The following DPP6 variants were observed in gnomAD, a reference collection of about 807,000 sequenced individuals.
DPP6 encodes dipeptidyl peptidase like 6, also known as A-type potassium channel modulatory protein DPP6.
In DPP6, 69 loss-of-function variants were observed where a neutral mutation model predicts 122.6. That is an observed-to-expected ratio of 0.56 (90% CI 0.46 to 0.69). DPP6 has a LOEUF of 0.69. DPP6 is among the 30% of genes least tolerant of loss of function. The probability of loss-of-function intolerance (pLI) is 0.00; values close to 1 mark genes in which losing one functional copy is unlikely to be tolerated. For synonymous variants in DPP6, 418 were observed against 433.1 expected (o/e 0.97, Z 0.43); for missense variants, 928 against 1,116.9 (o/e 0.83, Z 2.41).
At chr7:153,976,379 C>G (rs1343027390) in intron 1 of DPP6, among the ~76,000 whole-genome samples, 1 of 152,138 alleles carries the variant, frequency 6.6e-6, no homozygotes, top group Non-Finnish European at 1.5e-5. Flanking sequence ...AACAGAAACA[C>G]GAAGAACCAA....
At chr7:154,710,160 A>G (rs880728) in intron 7 of DPP6, among the ~76,000 whole-genome samples, 20,742 of 152,160 alleles carry the variant, frequency 0.14, 2,062 homozygotes, top group African/African-American at 0.28. Flanking sequence ...GACATCCACA[A>G]GTGGGTGTGG....
At chr7:154,810,716 G>A (rs571360523) in intron 16 of DPP6, among the ~76,000 whole-genome samples, 4 of 151,714 alleles carry the variant, frequency 2.6e-5, no homozygotes, top group African/African-American at 7.3e-5. Context: ...GACTGACCCG[G>A]ACCCCAGGTA....
At chr7:153,956,827 A>G (rs1033644863) in intron 1 of DPP6, among the ~76,000 whole-genome samples, 1 of 152,166 alleles carries the variant, frequency 6.6e-6, no homozygotes, top group Non-Finnish European at 1.5e-5. Flanking sequence ...CACTGTTTCT[A>G]GAAGCAACTT....
intron 1 of DPP6, among the ~76,000 whole-genome samples, chr7:154,202,718 T>C (rs771400166): frequency 1.2e-4 from 18 of 152,158 alleles, no homozygotes; most frequent in Non-Finnish European, 2.4e-4. Context: ...TCAGGGCCCC[T>C]CCATTCCCCA....
the DPP6 span, among the ~76,000 whole-genome samples, chr7:153,881,277 G>A: frequency 1.3e-5 from 2 of 152,304 alleles, no homozygotes; most frequent in East Asian, 3.9e-4. Flanking sequence ...GTTGTTAGAT[G>A]TGCAATTCTA....
At chr7:154,213,702 C>G (rs768917540) in intron 1 of DPP6, among the ~76,000 whole-genome samples, 3 of 152,190 alleles carry the variant, frequency 2.0e-5, no homozygotes, top group African/African-American at 4.8e-5. Flanking sequence ...CACCACCCCC[C>G]AACCCTGTGA....
intron 16 of DPP6, among the ~76,000 whole-genome samples, chr7:154,845,476 G>T (rs1236598747): frequency 6.6e-6 from 1 of 152,152 alleles, no homozygotes; most frequent in Non-Finnish European, 1.5e-5. Context: ...ATGAGAGAGG[G>T]CAGTTTGTAG....
At chr7:154,146,620 T>C (rs975225550) in intron 1 of DPP6, among the ~76,000 whole-genome samples, 46 of 152,396 alleles carry the variant, frequency 3.0e-4, no homozygotes, top group African/African-American at 9.9e-4. Flanking sequence ...CTCAGACTCA[T>C]GTTGCCATCA....
At chr7:154,773,368 C>A (rs1362765231) in intron 10 of DPP6, among the ~76,000 whole-genome samples, 1 of 152,212 alleles carries the variant, frequency 6.6e-6, no homozygotes, top group South Asian at 2.1e-4. Flanking sequence ...AAAGCCACAT[C>A]TCCCAGTTGG....
the DPP6 span, among the ~76,000 whole-genome samples, chr7:153,841,844 GT>G: frequency 1.3e-5 from 2 of 152,220 alleles, no homozygotes; most frequent in Non-Finnish European, 2.9e-5. Context: ...AAGACTAGCA[GT>G]CAGTTGACAT....
chr7:154,748,762 G>T (rs1010431043), intron 8 of DPP6, among the ~76,000 whole-genome samples: 4 of 152,182 alleles, frequency 2.6e-5, no homozygotes, highest in Non-Finnish European at 5.9e-5. Flanking sequence ...AGCAGTGGAT[G>T]CGCTGGTTGG....
intron 1 of DPP6, among the ~76,000 whole-genome samples, chr7:154,393,552 C>T: frequency 7.3e-6 from 1 of 136,914 alleles, no homozygotes; most frequent in East Asian, 2.2e-4. Flanking sequence ...GGAGATTGTT[C>T]AATTTTTTTT....
At chr7:153,921,252 G>A (rs370761922) in intron 1 of DPP6, among the ~76,000 whole-genome samples, 2 of 152,222 alleles carry the variant, frequency 1.3e-5, no homozygotes, top group South Asian at 2.1e-4. Flanking sequence ...GGCAAGAGCC[G>A]GGAGCAAGCC....
chr7:154,453,578 T>C (rs1157480565), intron 2 of DPP6, among the ~76,000 whole-genome samples: 2 of 150,776 alleles, frequency 1.3e-5, no homozygotes, highest in African/African-American at 4.9e-5. Context: ...TATAAACACA[T>C]GTGAGTAAGC....
chr7:154,420,806 G>A (rs6948600), intron 1 of DPP6, among the ~76,000 whole-genome samples: 8,097 of 152,068 alleles, frequency 0.053, 672 homozygotes, highest in African/African-American at 0.18. Context: ...ACTGTAGCCC[G>A]TAAGCATATT....
chr7:154,410,969 C>G (rs547461380), intron 1 of DPP6, among the ~76,000 whole-genome samples: 1 of 152,306 alleles, frequency 6.6e-6, no homozygotes, highest in South Asian at 2.1e-4. Context: ...ACACATGTAT[C>G]TACAAGTAGG....
chr7:153,909,313 G>A (rs1420863439), intron 1 of DPP6, among the ~76,000 whole-genome samples: 1 of 152,042 alleles, frequency 6.6e-6, no homozygotes, highest in Non-Finnish European at 1.5e-5. Flanking sequence ...AGCAGAGCAG[G>A]GGCTGGGCAT....
At chr7:154,216,464 T>G (rs4236457) in intron 1 of DPP6, among the ~76,000 whole-genome samples, 2 of 151,984 alleles carry the variant, frequency 1.3e-5, no homozygotes, top group Non-Finnish European at 2.9e-5. Context: ...ATAGAGCTCA[T>G]GCTTGGTCCA....
At chr7:154,628,714 CCCTGAATGCCCA>C (rs1297026263) in intron 5 of DPP6, among the ~76,000 whole-genome samples, 1 of 152,130 alleles carries the variant, frequency 6.6e-6, no homozygotes, top group African/African-American at 2.4e-5. Flanking sequence ...GCCTCCCCTG[CCCTGAATGCCCA>C]CCTGATAATT....
Sources: gnomAD v4.1 joint callset for allele counts (sites outside exome capture counted in the v4.1 genomes callset) on GRCh38, gnomAD v4.1.1 for gene constraint, MANE v1.5 for transcripts, NCBI Gene and HGNC (gene_info 2026-07-23, HGNC 2026-07-21) for gene names.